DAB1: variants seen among roughly 807,000 people sequenced by gnomAD.
DAB1 encodes the protein disabled homolog 1.
Under a neutral mutation model 64.6 loss-of-function variants are expected in DAB1, and 15 were observed. The observed-to-expected ratio is 0.23, with a 90% CI of 0.16 to 0.36. The LOEUF (loss-of-function observed/expected upper bound fraction) is 0.36, where lower values mean the gene tolerates loss of function less well. Among genes scored for constraint, DAB1 ranks in the 10% least tolerant of loss-of-function variants. The pLI, the probability that DAB1 is intolerant of heterozygous loss-of-function variation, is 1.00. For missense variants in DAB1, 596 were observed against 706.7 expected (o/e 0.84, Z 1.78); for synonymous variants, 235 against 251.9 (o/e 0.93, Z 0.64).
chr1:58,172,459 A>C (rs1465477294), intron 4 of DAB1, among the ~76,000 whole-genome samples: 1 of 152,214 alleles, frequency 6.6e-6, no homozygotes, highest in Non-Finnish European at 1.5e-5. Context: ...AAGGAAGTTT[A>C]TGGCTATCAG....
In DAB1 at chr1:58,419,091, T is replaced by C. The variant is rs369476232; in HGVS notation, n.258-75688A>G. On this transcript the variant is annotated intron_variant and non_coding_transcript_variant, in intron 3 of 20. Transcript: ENST00000485760. ...CGGATCAGCCTTGCAGAAAGCTTCC[T>C]TTGGCAGAAGGGCAGTGTGTATTTA... is the stretch of plus-strand genomic sequence containing the variant. Among the ~76,000 whole-genome samples, 61 of 152,308 alleles carry C rather than the reference T, an allele frequency of 4.0e-4. No homozygotes were observed. In the South Asian group the frequency reaches 4.1e-3, roughly 10 times the overall value.
chr1:58,306,595 G>C (rs1662313430), intron 4 of DAB1, among the ~76,000 whole-genome samples: 2 of 152,068 alleles, frequency 1.3e-5, no homozygotes, highest in South Asian at 4.1e-4. Context: ...GCACCTAGTG[G>C]GGGTTGCTTG....
At chr1:58,163,844 G>A (rs1371789771) in intron 4 of DAB1, among the ~76,000 whole-genome samples, 1 of 152,092 alleles carries the variant, frequency 6.6e-6, no homozygotes, top group Admixed American at 6.6e-5. Context: ...CACACTCCTG[G>A]CTGATCTTGA....
intron 2 of DAB1, among the ~76,000 whole-genome samples, chr1:58,522,102 T>A (rs1646274075): frequency 6.6e-6 from 1 of 152,264 alleles, no homozygotes; most frequent in South Asian, 2.1e-4. Flanking sequence ...TTAAAAAAAA[T>A]TAATGTAATT....
chr1:56,994,838 G>A lies in DAB1; in HGVS notation c.*3306C>T, dbSNP rs375277444. 6.6e-6 allele frequency: 1 copy of A among 152,114 alleles called. No individual in the cohort carries two copies. Among genetic ancestry groups the A allele is most frequent in the African/African-American group, 2.4e-5 (1 of 41,426 alleles). The allele number at this position is 152,114 out of a possible 1,614,324, so 9.4% of individuals were successfully genotyped here. On this transcript the variant is annotated 3_prime_UTR_variant, in exon 15 of 15. Coordinates refer to ENST00000371236, the MANE Select transcript of DAB1 (RefSeq NM_001365792.1). ...ACATGGTGTGTTACAGAAATTAATG[G>A]AAAATTTCTAAAAATTTTGCTGTTC...
chr1:57,205,765 G>GT (rs1304932152), intron 2 of DAB1, among the ~76,000 whole-genome samples: 3 of 152,132 alleles, frequency 2.0e-5, no homozygotes, highest in African/African-American at 4.8e-5. Context: ...CAAAGTTGAA[G>GT]TTTTTTTACT....
intron 6 of DAB1, among the ~76,000 whole-genome samples, chr1:57,669,688 G>T (rs1002717162): frequency 6.6e-6 from 1 of 152,074 alleles, no homozygotes; most frequent in Non-Finnish European, 1.5e-5. Context: ...TTTCCACAGA[G>T]GCAAAATACA....
intron 7 of DAB1, among the ~76,000 whole-genome samples, chr1:57,546,283 T>C (rs1396430885): frequency 1.3e-5 from 2 of 152,160 alleles, no homozygotes; most frequent in East Asian, 3.8e-4. Context: ...GTTAAAGCAT[T>C]GTGTATAAAA....
At chr1:57,063,688 T>C (rs1214109679) in intron 8 of DAB1, among the ~76,000 whole-genome samples, 1 of 152,120 alleles carries the variant, frequency 6.6e-6, no homozygotes, top group East Asian at 1.9e-4. Context: ...AGTAAGAAAA[T>C]GGATATTAGA....
Position 57,704,878 on chromosome 1 carries a change from T to TTTCCTTCCTTCCTTCCTTCC in DAB1, n.552-55233_552-55214dup, listed in dbSNP as rs57907821. Among the ~76,000 whole-genome samples, 24 of 146,260 alleles carry TTTCCTTCCTTCCTTCCTTCC rather than the reference T, an allele frequency of 1.6e-4. 1 individual carries two copies. Among genetic ancestry groups the TTTCCTTCCTTCCTTCCTTCC allele is most frequent in the African/African-American group, 6.1e-4 (24 of 39,560 alleles). ...TGCCCTTGCTCTTTGGGAAATTTCT[T>TTTCCTTCCTTCCTTCCTTCC]TTCCTTCCTTCCTTCCTTCCTTCCT... On this transcript the variant is annotated intron_variant and non_coding_transcript_variant, in intron 6 of 20. Coordinates refer to the DAB1 transcript ENST00000485760.
intron 5 of DAB1, among the ~76,000 whole-genome samples, chr1:58,028,940 T>C (rs960264931): frequency 2.0e-5 from 3 of 152,156 alleles, no homozygotes; most frequent in Non-Finnish European, 2.9e-5. Context: ...ACCCCCTCCA[T>C]GTCTGGTTAT....
chr1:57,546,182 A>G (rs141128461), intron 7 of DAB1, among the ~76,000 whole-genome samples: 37 of 152,244 alleles, frequency 2.4e-4, no homozygotes, highest in African/African-American at 8.4e-4. Context: ...AAGCAGAAGT[A>G]GAGACACAGA....
chr1:58,049,120 CA>C, intron 5 of DAB1: 1 of 811,632 alleles, frequency 1.2e-6, no homozygotes. Flanking sequence ...GTGACAAACC[CA>C]AAGCCCCCGG....
At chr1:57,758,191 C>G (rs1021738087) in intron 6 of DAB1, among the ~76,000 whole-genome samples, 2 of 152,156 alleles carry the variant, frequency 1.3e-5, no homozygotes, top group Admixed American at 1.3e-4. Flanking sequence ...TAGTTAAGAA[C>G]TACTAGGCAC....
chr1:57,868,000 C>T (rs952827560), intron 1 of DAB1, among the ~76,000 whole-genome samples: 1 of 152,140 alleles, frequency 6.6e-6, no homozygotes, highest in Non-Finnish European at 1.5e-5. Context: ...CAGTGATACT[C>T]GCTAGCTAGG....
chr1:57,374,648 T>C (rs1022541961), intron 1 of DAB1, among the ~76,000 whole-genome samples: 1 of 152,200 alleles, frequency 6.6e-6, no homozygotes, highest in African/African-American at 2.4e-5. Context: ...CTTCCTGGTC[T>C]CTTCAGCCTC....
chr1:58,129,335 G>T (rs952300278), intron 5 of DAB1, among the ~76,000 whole-genome samples: 7 of 148,712 alleles, frequency 4.7e-5, no homozygotes, highest in Non-Finnish European at 1.0e-4. Flanking sequence ...GTGTCTATTT[G>T]ATTCTTCTCT....
chr1:58,206,281 G>A (rs1225135638), intron 4 of DAB1, among the ~76,000 whole-genome samples: 1 of 152,172 alleles, frequency 6.6e-6, no homozygotes, highest in African/African-American at 2.4e-5. Context: ...ATTTTTTTGA[G>A]TTTCTGATTA....
chr1:58,268,285 T>A (rs597687), intron 4 of DAB1, among the ~76,000 whole-genome samples: 38,720 of 151,958 alleles, frequency 0.25, 5,827 homozygotes, highest in African/African-American at 0.4. Flanking sequence ...AGAGAAAGCA[T>A]AAATTACAGT....
Sources: allele counts gnomAD v4.1 joint callset (sites outside exome capture counted in the v4.1 genomes callset), GRCh38; gene constraint gnomAD v4.1.1; transcripts MANE v1.5; gene names NCBI Gene and HGNC (gene_info 2026-07-23, HGNC 2026-07-21).